KCNIP4: variants seen among roughly 807,000 people sequenced by gnomAD.
KCNIP4 encodes potassium voltage-gated channel interacting protein 4, also known as Kv channel-interacting protein 4.
Under a neutral mutation model 34.0 loss-of-function variants are expected in KCNIP4, and 12 were observed. That is an observed-to-expected ratio of 0.35 (90% CI 0.23 to 0.57). The LOEUF (loss-of-function observed/expected upper bound fraction) is 0.57, where lower values mean the gene tolerates loss of function less well. Ranked by LOEUF, KCNIP4 falls within the 20% of genes least tolerant of loss-of-function variation. The pLI is 0.83. For synonymous variants in KCNIP4, 124 were observed against 102.2 expected (o/e 1.21, Z -1.29); for missense variants, 238 against 311.7 (o/e 0.76, Z 1.78).
intron 1 of KCNIP4, among the ~76,000 whole-genome samples, chr4:21,206,973 A>G (rs778524426): frequency 8.0e-4 from 121 of 152,168 alleles, no homozygotes; most frequent in Non-Finnish European, 1.5e-3. Flanking sequence ...TGCTGCATGT[A>G]TCTCCTAAAA....
chr4:21,468,016 C>A (rs536028718), intron 1 of KCNIP4, among the ~76,000 whole-genome samples: 4 of 152,098 alleles, frequency 2.6e-5, no homozygotes, highest in Non-Finnish European at 5.9e-5. Context: ...AATTCTGCCC[C>A]AGAGGATCTT....
chr4:21,195,131 A>C (rs1755963797), intron 1 of KCNIP4, among the ~76,000 whole-genome samples: 1 of 152,156 alleles, frequency 6.6e-6, no homozygotes, highest in Admixed American at 6.5e-5. Context: ...GGAAATCTTC[A>C]TTGCCGCAAA....
chr4:21,894,827 CT>C (rs748383066), intron 1 of KCNIP4, among the ~76,000 whole-genome samples: 1 of 152,192 alleles, frequency 6.6e-6, no homozygotes, highest in Non-Finnish European at 1.5e-5. Flanking sequence ...CCTTCTACTA[CT>C]TAGTGCAGAG....
chr4:21,835,578 CGTT>C (rs1723268114), intron 1 of KCNIP4, among the ~76,000 whole-genome samples: 2 of 151,204 alleles, frequency 1.3e-5, no homozygotes, highest in African/African-American at 2.4e-5. Context: ...TGTTTTCTTA[CGTT>C]TTTTTTTGTT....
chr4:20,869,461 T>G (rs1723213709), intron 2 of KCNIP4, among the ~76,000 whole-genome samples: 1 of 152,046 alleles, frequency 6.6e-6, no homozygotes, highest in African/African-American at 2.4e-5. Flanking sequence ...TTGTTGTTCA[T>G]ATAATGAGTA....
intron 5 of KCNIP4, among the ~76,000 whole-genome samples, chr4:20,737,344 C>G (rs1749861376): frequency 6.6e-6 from 1 of 152,140 alleles, no homozygotes; most frequent in Admixed American, 6.5e-5. Flanking sequence ...TGGAGGTCAC[C>G]AGCAAGTGAT....
chr4:21,232,031 C>T (rs1477009529), intron 1 of KCNIP4, among the ~76,000 whole-genome samples: 1 of 152,112 alleles, frequency 6.6e-6, no homozygotes, highest in East Asian at 1.9e-4. Flanking sequence ...CTGGAATTAA[C>T]TGTTCTTTAC....
intron 2 of KCNIP4, among the ~76,000 whole-genome samples, chr4:20,854,487 C>T (rs182245075): frequency 1.5e-4 from 23 of 152,106 alleles, no homozygotes; most frequent in South Asian, 2.1e-4. Context: ...TGGGGACTTG[C>T]GGGGAAGAGT....
chr4:21,672,874 G>A (rs963376198), intron 1 of KCNIP4, among the ~76,000 whole-genome samples: 1 of 152,230 alleles, frequency 6.6e-6, no homozygotes, highest in African/African-American at 2.4e-5. Context: ...TCAGGCCTGG[G>A]AGATCTGCTG....
intron 1 of KCNIP4, among the ~76,000 whole-genome samples, chr4:21,333,073 G>A (rs948602396): frequency 3.3e-5 from 5 of 151,912 alleles, no homozygotes; most frequent in South Asian, 2.1e-4. Context: ...TTAGCATTTG[G>A]ACCTCTGTTC....
At chr4:21,785,547 G>A (rs921477716) in intron 1 of KCNIP4, among the ~76,000 whole-genome samples, 1 of 151,626 alleles carries the variant, frequency 6.6e-6, no homozygotes, top group Non-Finnish European at 1.5e-5. Context: ...AGCCGAGATT[G>A]CACCCCTGCA....
At chr4:20,816,932 T>C (rs1716464270) in intron 3 of KCNIP4, among the ~76,000 whole-genome samples, 1 of 152,208 alleles carries the variant, frequency 6.6e-6, no homozygotes, top group Non-Finnish European at 1.5e-5. Context: ...TAAATACTTT[T>C]ATACAGAAAC....
chr4:21,836,089 C>T (rs922449853), intron 1 of KCNIP4, among the ~76,000 whole-genome samples: 1 of 152,124 alleles, frequency 6.6e-6, no homozygotes, highest in Non-Finnish European at 1.5e-5. Flanking sequence ...GTGAGACTGG[C>T]AAGGGGCACA....
chr4:21,682,733 C>T (rs889953142), intron 1 of KCNIP4, among the ~76,000 whole-genome samples: 2 of 151,996 alleles, frequency 1.3e-5, no homozygotes, highest in African/African-American at 2.4e-5. Context: ...AATTGTAATA[C>T]TGTTGTATCT....
intron 1 of KCNIP4, among the ~76,000 whole-genome samples, chr4:21,016,441 G>A (rs897679065): frequency 2.0e-4 from 30 of 151,114 alleles, no homozygotes; most frequent in African/African-American, 4.1e-4. Flanking sequence ...GACTACAGGT[G>A]CCCGCCACCA....
chr4:21,480,735 A>G lies in KCNIP4; in HGVS notation c.61+467836T>C, dbSNP rs550801787. 6.6e-5 allele frequency among the ~76,000 whole-genome samples: 10 copies of G among 152,326 alleles called. 1 individual carries two copies. In the East Asian group the frequency reaches 7.7e-4, roughly 12 times the overall value. ...GTCTAGTTAAAATTATTAAAGACTCATATGTAGAAACTGTAAAACATAAAT... is the reference window on the plus strand; with the variant it reads ...GTCTAGTTAAAATTATTAAAGACTCGTATGTAGAAACTGTAAAACATAAAT... On this transcript the variant is annotated intron_variant, in intron 1 of 8. Transcript: ENST00000382152.
chr4:21,677,339 T>G (rs1749990770), intron 1 of KCNIP4, among the ~76,000 whole-genome samples: 3 of 152,240 alleles, frequency 2.0e-5, no homozygotes, highest in Admixed American at 6.5e-5. Flanking sequence ...CTTCAAGATA[T>G]TTTTAAAGTT....
At chr4:20,861,978 T>TATTATTATC (rs1722248675) in intron 2 of KCNIP4, among the ~76,000 whole-genome samples, 1 of 146,026 alleles carries the variant, frequency 6.8e-6, no homozygotes, top group Admixed American at 6.8e-5. Context: ...GAGTTATTAT[T>TATTATTATC]ATTATTATTA....
chr4:21,094,692 C>A (rs1268486712), intron 1 of KCNIP4, among the ~76,000 whole-genome samples: 1 of 152,166 alleles, frequency 6.6e-6, no homozygotes, highest in Non-Finnish European at 1.5e-5. Flanking sequence ...AAAGATTTTG[C>A]AACTTCTGCC....
Sources: gnomAD v4.1 joint callset for allele counts (sites outside exome capture counted in the v4.1 genomes callset) on GRCh38, gnomAD v4.1.1 for gene constraint, MANE v1.5 for transcripts, NCBI Gene and HGNC (gene_info 2026-07-23, HGNC 2026-07-21) for gene names.